EFR3B: variants seen among roughly 807,000 people sequenced by gnomAD.
The protein encoded by EFR3B is EFR3 homolog B.
In EFR3B, 64 loss-of-function variants were observed where a neutral mutation model predicts 104.7. The observed-to-expected ratio is 0.61, with a 90% CI of 0.50 to 0.75. The LOEUF (loss-of-function observed/expected upper bound fraction) is 0.75. Ranked by LOEUF, EFR3B falls within the 30% of genes least tolerant of loss-of-function variation. The pLI, the probability that EFR3B is intolerant of heterozygous loss-of-function variation, is 0.00. For missense variants in EFR3B, 750 were observed against 1,078.5 expected, an observed-to-expected ratio of 0.70 and a Z score of 4.27; for synonymous variants, 385 against 417.9, an observed-to-expected ratio of 0.92 and a Z score of 0.96.
intron 1 of EFR3B, among the ~76,000 whole-genome samples, chr2:25,076,783 C>T (rs1228332811): frequency 6.6e-6 from 1 of 152,174 alleles, no homozygotes; most frequent in Non-Finnish European, 1.5e-5. Context: ...ATTAAGGTGG[C>T]AATCAGATTA....
chr2:25,049,421 G>T (rs919812206), intron 1 of EFR3B, among the ~76,000 whole-genome samples: 8 of 152,172 alleles, frequency 5.3e-5, no homozygotes, highest in Non-Finnish European at 8.8e-5. Flanking sequence ...TACTACAGAG[G>T]CCATCATGAG....
chr2:25,071,491 C>T (rs887303021), intron 1 of EFR3B, among the ~76,000 whole-genome samples: 5 of 151,834 alleles, frequency 3.3e-5, no homozygotes, highest in Admixed American at 2.0e-4. Context: ...GAACTCCTGA[C>T]CTCGCGATCC....
intron 4 of EFR3B, among the ~76,000 whole-genome samples, chr2:25,116,315 T>C (rs1366880148): frequency 1.3e-5 from 2 of 152,126 alleles, no homozygotes; most frequent in South Asian, 2.1e-4. Flanking sequence ...TAGGAGGTGA[T>C]AGATACATTT....
At position 25,042,285 on chromosome 2, in the gene EFR3B, C is replaced by T; in HGVS notation, c.-28C>T. ...GCTGGGAACGCCGCAGCGACGCCGG[C>T]CTCTCGAGAGGCGCGCGCCCCGCCG... is the stretch of plus-strand genomic sequence containing the variant. On this transcript the variant is annotated 5_prime_UTR_variant, in exon 1 of 23. Transcript: ENST00000403714. The surrounding 1 kb of genome is among the most constrained non-coding windows in gnomAD (Gnocchi z 5.4). 7.7e-7 allele frequency: 1 copy of T among 1,305,258 alleles called. No individual in the cohort carries two copies. 80.9% of individuals were successfully genotyped at this position (1,305,258 alleles called of 1,614,324 possible). A position where few individuals can be genotyped will look rare whatever the true frequency, so the allele number is the denominator to read the frequency against.
Position 25,137,540 on chromosome 2 carries a change from CAG to C in EFR3B, c.1722+39_1722+40del. ...GTGCGCAGGGCATGGGGCTTGGGAT[CAG>C]GGGAGGGACTTGTTTTGGGCAAGCC... On this transcript the variant is annotated intron_variant, in intron 15 of 22. Transcript: ENST00000403714. This position sits in a 1 kb window ranked among gnomAD's most constrained non-coding sequence, Gnocchi z 4.7. 6.4e-7 allele frequency: 1 copy of C among 1,550,862 alleles called. No homozygotes were observed. Among genetic ancestry groups the C allele is most frequent in the Non-Finnish European group, 8.7e-7 (1 of 1,146,488 alleles).
intron 18 of EFR3B, among the ~76,000 whole-genome samples, chr2:25,144,553 CA>C (rs1455639725): frequency 6.6e-6 from 1 of 151,294 alleles, no homozygotes; most frequent in Non-Finnish European, 1.5e-5. Context: ...AAAAAAAAAA[CA>C]AAAAAACAAA....
intron 1 of EFR3B, among the ~76,000 whole-genome samples, chr2:25,052,508 T>G (rs1249481076): frequency 6.8e-6 from 1 of 147,410 alleles, no homozygotes; most frequent in Non-Finnish European, 1.5e-5. Context: ...TTTTTTTTTT[T>G]TTTTTTTTTT....
chr2:25,141,394 C>T lies in EFR3B; in HGVS notation c.1883C>T (p.Pro628Leu). 6.4e-7 allele frequency: 1 copy of T among 1,551,532 alleles called. No homozygotes were observed. Among genetic ancestry groups the T allele is most frequent in the Non-Finnish European group, 8.7e-7 (1 of 1,146,894 alleles). The stretch of plus-strand genomic sequence containing the variant: ...ATAGAGACCAGGAAGAAAGAGGCTC[C>T]ATACATGCTCCCCGAGGATGTGTTT... ...EVIETRKKEA[P>L]YMLPEDVFVE... The change falls in exon 17 of 23, where the codon CCA becomes CTA. Residue 628 changes from proline (P) to leucine (L), a missense_variant. By Grantham distance (98) the Pro-to-Leu change is moderately conservative (BLOSUM62 -3). Transcript: ENST00000403714.
chr2:25,111,501 T>C (rs138966499), intron 4 of EFR3B, among the ~76,000 whole-genome samples: 3 of 152,284 alleles, frequency 2.0e-5, no homozygotes, highest in African/African-American at 4.8e-5. Context: ...CCTGCTTAGT[T>C]TCTGTGGTAG....
At position 25,042,537 on chromosome 2, in the gene EFR3B, C is replaced by T. The variant is rs1434392077; in HGVS notation, c.7+218C>T. The T allele has an allele frequency of 1.7e-6, 2 of 1,206,298 alleles. No individual in the cohort carries two copies. The highest frequency in any genetic ancestry group is 2.1e-6 in the Non-Finnish European group (2 of 971,826). The allele number at this position is 1,206,298 out of a possible 1,614,324, so 74.7% of individuals were successfully genotyped here. A position where few individuals can be genotyped will look rare whatever the true frequency, so the allele number is the denominator to read the frequency against. On this transcript the variant is annotated intron_variant, in intron 1 of 22. Transcript: ENST00000403714. The surrounding 1 kb of genome is among the most constrained non-coding windows in gnomAD (Gnocchi z 5.4). ...CCTGGGGTCCTCTCCAGGCCCGGCG[C>T]GTGCCGGTGCTGGGCGGTGGTCCTT...
chr2:25,135,347 G>A lies in EFR3B; in HGVS notation c.1312-120G>A, dbSNP rs1670489495. The A allele has an allele frequency of 1.3e-5, 15 of 1,187,900 alleles. No homozygotes were observed. The South Asian group carries it at 2.0e-4, about 15-fold the overall frequency. The allele number at this position is 1,187,900 out of a possible 1,614,324, so 73.6% of individuals were successfully genotyped here. The stretch of plus-strand genomic sequence containing the variant: ...GCTGTAGGGTAGGGGAGGCTGGATT[G>A]GGCGATGTCTAGAGAGGATGTGTAC... On this transcript the variant is annotated intron_variant, in intron 12 of 22. Transcript: ENST00000403714.
chr2:25,071,181 T>C (rs962719101), intron 1 of EFR3B, among the ~76,000 whole-genome samples: 1 of 151,898 alleles, frequency 6.6e-6, no homozygotes, highest in African/African-American at 2.4e-5. Flanking sequence ...AGGATGGTCT[T>C]GATCTCCTGA....
At chr2:25,107,968 G>A (rs1437386700) in intron 4 of EFR3B, among the ~76,000 whole-genome samples, 1 of 151,950 alleles carries the variant, frequency 6.6e-6, no homozygotes, top group Non-Finnish European at 1.5e-5. Flanking sequence ...CGAATAGCTG[G>A]GATTACAGGC....
intron 1 of EFR3B, among the ~76,000 whole-genome samples, chr2:25,088,918 C>A (rs1013527424): frequency 1.4e-4 from 21 of 152,182 alleles, no homozygotes; most frequent in African/African-American, 4.6e-4. Context: ...TTCTTTAGGC[C>A]TTCTTACCTC....
At chr2:25,153,620 C>T in intron 21 of EFR3B, 92 bp from the exon 22 acceptor site, 1 of 1,301,944 alleles carries the variant, frequency 7.7e-7, no homozygotes, top group Non-Finnish European at 1.1e-6. Flanking sequence ...CTGCCCTGTA[C>T]CTCCAGCGTA....
chr2:25,053,008 A>G (rs974798140), intron 1 of EFR3B, among the ~76,000 whole-genome samples: 10 of 152,232 alleles, frequency 6.6e-5, no homozygotes, highest in African/African-American at 2.4e-4. Flanking sequence ...TTTGAACCTC[A>G]GCATTCCAGC....
intron 1 of EFR3B, among the ~76,000 whole-genome samples, chr2:25,065,694 T>G (rs554384594): frequency 6.6e-6 from 1 of 152,248 alleles, no homozygotes; most frequent in South Asian, 2.1e-4. Context: ...TCTCACTGCT[T>G]CTTCCTCTCT....
intron 21 of EFR3B, 123 bp downstream of exon 21, chr2:25,152,143 C>A: frequency 2.2e-6 from 2 of 925,198 alleles, no homozygotes; most frequent in Non-Finnish European, 3.3e-6. Flanking sequence ...CCACCCCCAC[C>A]CTGCCAGACA....
chr2:25,151,158 A>G (rs757160881), intron 20 of EFR3B, among the ~76,000 whole-genome samples: 1 of 151,924 alleles, frequency 6.6e-6, no homozygotes, highest in Non-Finnish European at 1.5e-5. Flanking sequence ...CAGCATGTGT[A>G]GAAGCCTTAA....
Sources: gnomAD v4.1 joint callset for allele counts (sites outside exome capture counted in the v4.1 genomes callset) on GRCh38, gnomAD v4.1.1 for gene constraint, Gnocchi (gnomAD v3.1) non-coding constraint, MANE v1.5 for transcripts, NCBI Gene and HGNC (gene_info 2026-07-23, HGNC 2026-07-21) for gene names.